Variants in SLC47A1 observed in about 807,000 individuals in gnomAD.
The protein encoded by SLC47A1 is multidrug and toxin extrusion protein 1.
In SLC47A1, 58 loss-of-function variants were observed where a neutral mutation model predicts 65.8. That is an observed-to-expected ratio of 0.88 (90% CI 0.71 to 1.10). The LOEUF is 1.10. Among genes scored for constraint, SLC47A1 ranks in the 50% least tolerant of loss-of-function variants. The pLI, the probability that SLC47A1 is intolerant of heterozygous loss-of-function variation, is 0.00. For synonymous variants in SLC47A1, 285 were observed against 295.0 expected, an observed-to-expected ratio of 0.97 and a Z score of 0.35; for missense variants, 706 against 719.2, an observed-to-expected ratio of 0.98 and a Z score of 0.21.
intron 6 of SLC47A1, among the ~76,000 whole-genome samples, chr17:19,554,362 G>T (rs75837182): frequency 3.9e-5 from 6 of 152,192 alleles, no homozygotes; most frequent in Non-Finnish European, 7.4e-5. Context: ...GAAGCTCTGT[G>T]CCTGGGTTGG....
At chr17:19,575,839 A>C (rs2084435563) in intron 16 of SLC47A1, among the ~76,000 whole-genome samples, 1 of 152,194 alleles carries the variant, frequency 6.6e-6, no homozygotes, top group Non-Finnish European at 1.5e-5. Context: ...AATAAGGCCG[A>C]TGAATAAGAG....
In SLC47A1 at chr17:19,577,936, TTGGGCCTTAGATTACTATTCAC is replaced by T; in HGVS notation, c.*389_*410del. On this transcript the variant is annotated 3_prime_UTR_variant, in exon 17 of 17. Coordinates refer to ENST00000270570, the MANE Select transcript of SLC47A1 (RefSeq NM_018242.3). ...AATATATTTTACAGTATATCTTTCC[TTGGGCCTTAGATTACTATTCAC>T]TGGGCAAATGGTATTTGTTTTTGTT... 1 of 1,268,964 alleles carries T rather than the reference TTGGGCCTTAGATTACTATTCAC, an allele frequency of 7.9e-7. No individual in the cohort carries two copies. The highest frequency in any genetic ancestry group is 1.0e-6 in the Non-Finnish European group (1 of 984,506). 78.6% of individuals were successfully genotyped at this position (1,268,964 alleles called of 1,614,324 possible).
chr17:19,576,351 C>CTTT (rs199805601), intron 16 of SLC47A1, among the ~76,000 whole-genome samples: 17 of 123,344 alleles, frequency 1.4e-4, no homozygotes, highest in African/African-American at 4.1e-4. Flanking sequence ...TTCTTCCTTC[C>CTTT]TTTTTTTTTT....
chr17:19,553,090 T>C (rs185415733), intron 6 of SLC47A1, among the ~76,000 whole-genome samples: 1 of 152,140 alleles, frequency 6.6e-6, no homozygotes, highest in East Asian at 1.9e-4. Flanking sequence ...GTTTCTGTCC[T>C]GGGGCCCTTC....
chr17:19,572,530 C>T (rs1392022510), intron 15 of SLC47A1, among the ~76,000 whole-genome samples: 1 of 152,054 alleles, frequency 6.6e-6, no homozygotes. Context: ...CTGTGTTGCG[C>T]AGGCTGGCCT....
intron 12 of SLC47A1, among the ~76,000 whole-genome samples, chr17:19,565,733 A>G (rs924662375): frequency 6.6e-6 from 1 of 151,844 alleles, no homozygotes; most frequent in African/African-American, 2.4e-5. Flanking sequence ...GGCGCCCGCC[A>G]CCACGCCCGG....
At chr17:19,552,803 G>A (rs1440754382) in intron 6 of SLC47A1, among the ~76,000 whole-genome samples, 2 of 152,146 alleles carry the variant, frequency 1.3e-5, no homozygotes, top group African/African-American at 2.4e-5. Flanking sequence ...GTCTCTTTAC[G>A]CCACTGCGGT....
intron 15 of SLC47A1, 31 bp from the exon 16 acceptor site, chr17:19,572,749 G>A: frequency 6.2e-7 from 1 of 1,603,694 alleles, no homozygotes; most frequent in Non-Finnish European, 8.5e-7. Context: ...ACACTATTGT[G>A]AAGCCTGATG....
At chr17:19,567,834 T>A (rs2084372099) in intron 14 of SLC47A1, 1 of 154,002 alleles carries the variant, frequency 6.5e-6, no homozygotes, top group Non-Finnish European at 1.4e-5. Flanking sequence ...TCCCTCCTTG[T>A]GCAGCCTTAG....
At chr17:19,561,361 C>T (rs184074846) in intron 12 of SLC47A1, among the ~76,000 whole-genome samples, 50 of 151,162 alleles carry the variant, frequency 3.3e-4, no homozygotes, top group African/African-American at 9.5e-4. Context: ...ATCAGAGGCT[C>T]GGCCGGGCGC....
chr17:19,567,577 C>A (rs998642780), intron 14 of SLC47A1: 101 of 293,726 alleles, frequency 3.4e-4, no homozygotes, highest in Non-Finnish European at 9.2e-5. Flanking sequence ...TTGGAAGCAT[C>A]CCCTTAGTGT....
chr17:19,556,003 G>C lies in SLC47A1; in HGVS notation c.862G>C (p.Gly288Arg), dbSNP rs149604973. The change falls in exon 10 of 17, where the codon GGC becomes CGC. Residue 288 changes from glycine (G) to arginine (R), a missense_variant. By Grantham distance (125) the Gly-to-Arg change is moderately radical (BLOSUM62 -2). Transcript: ENST00000270570. ...EVGSFLSGIL[G>R]MVELGAQSIV... ...CTGTCTTTCTTCACCAGGCATCCTC[G>C]GCATGGTGGAGCTGGGCGCTCAGTC... The C allele has an allele frequency of 1.5e-5, 24 of 1,614,040 alleles. No homozygotes were observed. The highest frequency in any genetic ancestry group is 2.0e-5 in the Non-Finnish European group (24 of 1,180,040).
chr17:19,552,442 A>G (rs1362628888), intron 6 of SLC47A1, among the ~76,000 whole-genome samples: 1 of 152,124 alleles, frequency 6.6e-6, no homozygotes, highest in African/African-American at 2.4e-5. Context: ...GGAAACCCAC[A>G]CATTTCATCC....
rs1399737607 is a variant in SLC47A1 at position 19,560,417 on chromosome 17, G to T, written c.1031-1G>T. On this transcript the variant is annotated splice_acceptor_variant, in intron 11 of 16. Coordinates refer to ENST00000270570, the MANE Select transcript of SLC47A1 (RefSeq NM_018242.3). LOFTEE classifies it high-confidence loss of function. The stretch of plus-strand genomic sequence containing the variant: ...GTTTCTTCTGCCGTTTTTACCTTCA[G>T]TGCTCTTTGCTGTAGCCTTCAGTGT... 6.2e-7 allele frequency: 1 copy of T among 1,614,102 alleles called. No homozygotes were observed. Among genetic ancestry groups the T allele is most frequent in the Admixed American group, 1.7e-5 (1 of 60,008 alleles).
intron 15 of SLC47A1, among the ~76,000 whole-genome samples, 200 bp from the exon 16 acceptor site, chr17:19,572,580 C>A (rs566998950): frequency 1.2e-4 from 18 of 152,124 alleles, no homozygotes; most frequent in African/African-American, 2.7e-4. Flanking sequence ...CCTCAGCCCC[C>A]CAAAGTGCTG....
At chr17:19,556,104 C>T in intron 10 of SLC47A1, 42 bp downstream of exon 10, 4 of 1,605,620 alleles carry the variant, frequency 2.5e-6, no homozygotes, top group Non-Finnish European at 3.4e-6. Flanking sequence ...CAGGCGTTTT[C>T]CTTGCTTGGT....
At position 19,540,743 on chromosome 17, in the gene SLC47A1, A is replaced by G. The variant is rs78744710; in HGVS notation, c.136-1650A>G. On this transcript the variant is annotated intron_variant, in intron 1 of 16. Transcript: ENST00000270570. ...TGCAAAAGCGCTCCTCACGTTCAGT[A>G]GCAGGGGGACTGTGGCGATTAAATT... is the stretch of plus-strand genomic sequence containing the variant. Among the ~76,000 whole-genome samples the G allele has an allele frequency of 7.1e-4, 108 of 152,272 alleles. 3 individuals are homozygous for G. The East Asian group carries it at 0.018, about 25-fold the overall frequency.
At chr17:19,564,554 C>T (rs570206335) in intron 12 of SLC47A1, 1 of 152,314 alleles carries the variant, frequency 6.6e-6, no homozygotes, top group Non-Finnish European at 1.5e-5. Flanking sequence ...CTGGGGCAAA[C>T]TGGAAGGGCA....
intron 16 of SLC47A1, 103 bp from the exon 17 acceptor site, chr17:19,577,219 GAATTA>G: frequency 6.9e-7 from 1 of 1,442,996 alleles, no homozygotes; most frequent in African/African-American, 1.4e-5. Flanking sequence ...ATAGTGTCCT[GAATTA>G]ACTTTCTCTC....
Sources: gnomAD v4.1 joint callset for allele counts (sites outside exome capture counted in the v4.1 genomes callset) on GRCh38, gnomAD v4.1.1 for gene constraint, MANE v1.5 for transcripts, NCBI Gene and HGNC (gene_info 2026-07-23, HGNC 2026-07-21) for gene names.